The following UBN1 variants were observed in gnomAD, a reference collection of about 807,000 sequenced individuals.
The protein encoded by UBN1 is ubinuclein-1.
In UBN1, 17 loss-of-function variants were observed where a neutral mutation model predicts 108.5. The observed-to-expected ratio is 0.16, with a 90% CI of 0.11 to 0.24. UBN1 has a LOEUF of 0.24. Among genes scored for constraint, UBN1 ranks in the 10% least tolerant of loss-of-function variants. The pLI is 1.00. For missense variants in UBN1, 1,595 were observed against 1,394.4 expected (o/e 1.14, Z -2.29); for synonymous variants, 726 against 564.2 (o/e 1.29, Z -4.07).
In UBN1 at chr16:4,847,570, A is replaced by G. The variant is rs1239709400; in HGVS notation, c.-680A>G. 3 of 395,136 alleles carry G rather than the reference A, an allele frequency of 7.6e-6. No homozygotes were observed. Among genetic ancestry groups the G allele is most frequent in the African/African-American group, 6.5e-5 (3 of 46,324 alleles). 24.5% of individuals were successfully genotyped at this position (395,136 alleles called of 1,614,324 possible). A position where few individuals can be genotyped will look rare whatever the true frequency, so the allele number is the denominator to read the frequency against. ...GCGACGGTGCGACCGGCTGAGCGCG[A>G]GAGGGAGCCGGCCTCGCGGCTCGCC... On this transcript the variant is annotated 5_prime_UTR_variant, in exon 1 of 18. Coordinates refer to ENST00000262376, the MANE Select transcript of UBN1 (RefSeq NM_001079514.3).
chr16:4,873,899 G>A (rs1240974810), intron 14 of UBN1, among the ~76,000 whole-genome samples: 1 of 152,226 alleles, frequency 6.6e-6, no homozygotes, highest in African/African-American at 2.4e-5. Context: ...AGTAGGCAGA[G>A]TATCTCTTCA....
intron 2 of UBN1, among the ~76,000 whole-genome samples, chr16:4,853,397 T>G (rs188144384): frequency 2.7e-4 from 41 of 152,268 alleles, no homozygotes; most frequent in African/African-American, 9.4e-4. Context: ...CAATACATTT[T>G]TCTCTGCCAA....
chr16:4,861,241 C>G lies in UBN1; in HGVS notation c.1110+139C>G, dbSNP rs1480176329. The G allele has an allele frequency of 1.8e-5, 17 of 950,820 alleles. No individual in the cohort carries two copies. The Middle Eastern group carries it at 2.0e-3, about 112-fold the overall frequency. The allele number at this position is 950,820 out of a possible 1,614,324, so 58.9% of individuals were successfully genotyped here. On this transcript the variant is annotated intron_variant, in intron 7 of 17. Coordinates refer to ENST00000262376, the MANE Select transcript of UBN1 (RefSeq NM_001079514.3). ...GTGTCAGCTTTTTCCAAACCCTATT[C>G]TCATCCTGAGGGAGAAAACAGTGTA...
chr16:4,868,955 C>T (rs956743100), intron 8 of UBN1, 52 bp downstream of exon 8: 6 of 1,603,168 alleles, frequency 3.7e-6, no homozygotes, highest in Non-Finnish European at 4.3e-6. Context: ...TATTACTGAG[C>T]TTGGGGCAAG....
intron 8 of UBN1, 100 bp from the exon 9 acceptor site, chr16:4,870,112 C>G: frequency 6.4e-7 from 1 of 1,551,506 alleles, no homozygotes; most frequent in Non-Finnish European, 8.8e-7. Context: ...CAGGGTTTGA[C>G]TGCCGTTGGC....
intron 7 of UBN1, among the ~76,000 whole-genome samples, chr16:4,862,474 A>G (rs1455463302): frequency 6.6e-6 from 1 of 152,228 alleles, no homozygotes; most frequent in Non-Finnish European, 1.5e-5. Flanking sequence ...GAAGTAGCTG[A>G]ATCTGAACTT....
At chr16:4,864,438 T>C (rs1229052313) in intron 7 of UBN1, among the ~76,000 whole-genome samples, 2 of 152,232 alleles carry the variant, frequency 1.3e-5, no homozygotes, top group East Asian at 3.8e-4. Context: ...AGAGGGAACC[T>C]TGGTGATGCC....
At chr16:4,867,326 T>G (rs1033880887) in intron 7 of UBN1, among the ~76,000 whole-genome samples, 3 of 152,216 alleles carry the variant, frequency 2.0e-5, no homozygotes, top group Admixed American at 2.0e-4. Flanking sequence ...TTTAACTGCG[T>G]GGATCCACTT....
At chr16:4,875,816 G>C (rs2456779) in intron 15 of UBN1, among the ~76,000 whole-genome samples, 51,386 of 151,978 alleles carry the variant, frequency 0.34, 9,039 homozygotes, top group South Asian at 0.49. Flanking sequence ...GTCATGTGGA[G>C]GTGTTCATGG....
chr16:4,849,370 C>T (rs1360033657), intron 1 of UBN1, among the ~76,000 whole-genome samples: 1 of 151,880 alleles, frequency 6.6e-6, no homozygotes, highest in African/African-American at 2.4e-5. Context: ...CCAAAAAACC[C>T]ATTAAAATAA....
chr16:4,856,973 A>G (rs2086841644), intron 2 of UBN1, among the ~76,000 whole-genome samples: 1 of 152,332 alleles, frequency 6.6e-6, no homozygotes, highest in South Asian at 2.1e-4. Context: ...TGAAACAGGC[A>G]TACAGTCTTT....
intron 8 of UBN1, among the ~76,000 whole-genome samples, chr16:4,869,287 C>G (rs982995907): frequency 2.0e-5 from 3 of 152,200 alleles, no homozygotes; most frequent in Admixed American, 2.0e-4. Flanking sequence ...GCCTGCTCTG[C>G]CTTGGGTGTT....
At chr16:4,867,652 T>C (rs1175389531) in intron 7 of UBN1, among the ~76,000 whole-genome samples, 1 of 152,048 alleles carries the variant, frequency 6.6e-6, no homozygotes, top group East Asian at 1.9e-4. Context: ...GAGAAGTGGG[T>C]TCTAGTGAGA....
chr16:4,880,150 C>A lies in UBN1; in HGVS notation c.*18C>A, dbSNP rs74003533. The A allele has an allele frequency of 6.2e-7, 1 of 1,613,752 alleles. No individual in the cohort carries two copies. The highest frequency in any genetic ancestry group is 8.5e-7 in the Non-Finnish European group (1 of 1,179,878). On this transcript the variant is annotated 3_prime_UTR_variant, in exon 18 of 18. Coordinates refer to ENST00000262376, the MANE Select transcript of UBN1 (RefSeq NM_001079514.3). ...AATTGTGACCGCTTCAGAGGCAAGG[C>A]TTGCCACTTGGGTCTGGGTGGAATC...
In UBN1 at chr16:4,868,880, G is replaced by A; in HGVS notation, c.1158G>A (p.Gln386=). The change falls in exon 8 of 18, where the codon CAG becomes CAA. Residue 386 remains glutamine, a synonymous_variant. Transcript: ENST00000262376. ...AGAGCAGACAGAAGTTCTTCACCCA[G>A]GATATTAATGGAATCCTATTAGAGT... is the stretch of plus-strand genomic sequence containing the variant. ...EGESRQKFFT[Q]DINGILLDIE... is the part of the protein sequence containing the mutation. 6.2e-7 allele frequency: 1 copy of A among 1,613,910 alleles called. No individual in the cohort carries two copies. The highest frequency in any genetic ancestry group is 2.2e-5 in the East Asian group (1 of 44,888).
At chr16:4,850,746 A>T (rs971960475) in intron 1 of UBN1, among the ~76,000 whole-genome samples, 7 of 152,238 alleles carry the variant, frequency 4.6e-5, no homozygotes, top group African/African-American at 7.2e-5. Flanking sequence ...CGACAAATGA[A>T]TATTGGATAT....
intron 1 of UBN1, 22 bp from the exon 2 acceptor site, chr16:4,852,857 C>T (rs970075413): frequency 6.5e-7 from 1 of 1,542,498 alleles, no homozygotes; most frequent in Non-Finnish European, 8.7e-7. Context: ...TTTGACCTGG[C>T]CCTTCTTTTC....
chr16:4,873,161 A>T lies in UBN1; in HGVS notation c.1800+88A>T, dbSNP rs2087725212. ...AACAGTCAAGTGACTGTGGAAGCTC[A>T]TTGATCTTTGCTCGTCTGGGGACAG... On this transcript the variant is annotated intron_variant, in intron 14 of 17. Coordinates refer to ENST00000262376, the MANE Select transcript of UBN1 (RefSeq NM_001079514.3). 2.6e-5 allele frequency: 41 copies of T among 1,574,558 alleles called. No individual in the cohort carries two copies. The South Asian group carries it at 3.9e-4, about 15-fold the overall frequency.
At position 4,875,158 on chromosome 16, in the gene UBN1, C is replaced by T; in HGVS notation, c.2748C>T (p.Gly916=). 1 of 1,614,268 alleles carries T rather than the reference C, an allele frequency of 6.2e-7. No homozygotes were observed. The highest frequency in any genetic ancestry group is 1.3e-5 in the African/African-American group (1 of 75,078). Residue 916 remains glycine, a synonymous_variant, in exon 15 of 18, where the codon GGC becomes GGT. Transcript: ENST00000262376. The stretch of plus-strand genomic sequence containing the variant: ...TCTCCAAACATGGGGTTTCTTCTGG[C>T]AGCTCTTCCTCGGGAGGAACACCAG... The part of the protein sequence containing the change: ...SSISKHGVSS[G]SSSSGGTPVQ...
Sources: allele counts gnomAD v4.1 joint callset (sites outside exome capture counted in the v4.1 genomes callset), GRCh38; gene constraint gnomAD v4.1.1; transcripts MANE v1.5; gene names NCBI Gene and HGNC (gene_info 2026-07-23, HGNC 2026-07-21).